The following DEPTOR variants were observed in gnomAD, a reference collection of about 807,000 sequenced individuals.
DEPTOR encodes DEP domain containing MTOR interacting protein, also known as DEP domain-containing mTOR-interacting protein.
DEPTOR carries 41 observed loss-of-function variants against 41.6 expected under a neutral mutation model. The observed-to-expected ratio is 0.98, with a 90% CI of 0.77 to 1.28. The LOEUF (loss-of-function observed/expected upper bound fraction) is 1.28. Ranked by LOEUF, DEPTOR falls within the 50% of genes most tolerant of loss-of-function variation. The pLI is 0.00. For missense variants in DEPTOR, 514 were observed against 527.9 expected (o/e 0.97, Z 0.26); for synonymous variants, 195 against 192.3 (o/e 1.01, Z -0.12).
At chr8:120,007,512 A>C (rs1435232044) in intron 7 of DEPTOR, among the ~76,000 whole-genome samples, 1 of 152,030 alleles carries the variant, frequency 6.6e-6, no homozygotes, top group Non-Finnish European at 1.5e-5. Flanking sequence ...GATTTCTTCA[A>C]ATGGAATGAA....
At chr8:119,885,309 A>G (rs1827350180) in intron 1 of DEPTOR, among the ~76,000 whole-genome samples, 1 of 152,178 alleles carries the variant, frequency 6.6e-6, no homozygotes, top group African/African-American at 2.4e-5. Context: ...AATGCCCCTT[A>G]ATCATCTTAA....
intron 8 of DEPTOR, among the ~76,000 whole-genome samples, chr8:120,022,540 A>G (rs113302581): frequency 1.3e-5 from 2 of 152,102 alleles, no homozygotes; most frequent in Non-Finnish European, 2.9e-5. Context: ...GTCAGTCTTG[A>G]GGCTCCTAAG....
At chr8:120,035,163 CA>C (rs370896635) in intron 8 of DEPTOR, among the ~76,000 whole-genome samples, 139 of 151,768 alleles carry the variant, frequency 9.2e-4, no homozygotes, top group African/African-American at 3.2e-3. Flanking sequence ...ACAAAAAATA[CA>C]AAAAAATTAG....
chr8:119,917,823 C>T (rs899236139), intron 1 of DEPTOR, among the ~76,000 whole-genome samples: 5 of 152,158 alleles, frequency 3.3e-5, no homozygotes, highest in East Asian at 1.9e-4. Context: ...TGGAATGTCT[C>T]GATATAAAAC....
chr8:120,032,723 T>C (rs1812911519), intron 8 of DEPTOR, among the ~76,000 whole-genome samples: 1 of 152,184 alleles, frequency 6.6e-6, no homozygotes, highest in Non-Finnish European at 1.5e-5. Context: ...TACCTCTCAC[T>C]ACATTTAACC....
chr8:120,001,663 T>G lies in DEPTOR; in HGVS notation c.743T>G (p.Leu248Arg). The G allele has an allele frequency of 1.2e-6, 2 of 1,613,918 alleles. No individual in the cohort carries two copies. The highest frequency in any genetic ancestry group is 2.2e-5 in the East Asian group (1 of 44,872). ...GAAACTCATGACAGTCCCTTCTGCCTGAGGAAGCAGAGCCATGACAATCGG... is the reference window on the plus strand; with the variant it reads ...GAAACTCATGACAGTCCCTTCTGCCGGAGGAAGCAGAGCCATGACAATCGG... Reference protein sequence around the residue: ...SQETHDSPFCLRKQSHDNRKS... With the variant: ...SQETHDSPFCRRKQSHDNRKS... Residue 248 changes from leucine to arginine, a missense_variant, in exon 5 of 9, where the codon CTG (leucine) becomes CGG (arginine). Leu to Arg is a moderately radical substitution (Grantham distance 102). Transcript: ENST00000286234.
intron 3 of DEPTOR, among the ~76,000 whole-genome samples, chr8:119,939,906 T>A (rs1410618948): frequency 1.3e-5 from 2 of 151,954 alleles, no homozygotes; most frequent in African/African-American, 2.4e-5. Context: ...GGTATAGAAG[T>A]GTCTTAAAAA....
chr8:119,915,549 C>G (rs778527150), intron 1 of DEPTOR, among the ~76,000 whole-genome samples: 1 of 152,098 alleles, frequency 6.6e-6, no homozygotes, highest in Non-Finnish European at 1.5e-5. Context: ...TCCACAGTGG[C>G]GCTCAACCAA....
At chr8:119,975,387 C>T (rs1828684857) in intron 4 of DEPTOR, among the ~76,000 whole-genome samples, 1 of 151,978 alleles carries the variant, frequency 6.6e-6, no homozygotes, top group African/African-American at 2.4e-5. Context: ...GTAAGGAAAA[C>T]TTTGTTTAAG....
At chr8:119,878,424 A>C (rs146419656) in intron 1 of DEPTOR, among the ~76,000 whole-genome samples, 2,805 of 151,324 alleles carry the variant, frequency 0.019, 88 homozygotes, top group African/African-American at 0.063. Context: ...GGTTCAAGCG[A>C]TTCTCCTGCC....
At chr8:119,921,792 G>T (rs1314855035) in intron 1 of DEPTOR, among the ~76,000 whole-genome samples, 7 of 141,826 alleles carry the variant, frequency 4.9e-5, no homozygotes, top group African/African-American at 1.9e-4. Flanking sequence ...ACAGGGTCTT[G>T]CTCTGTCACC....
intron 5 of DEPTOR, among the ~76,000 whole-genome samples, chr8:120,001,994 C>T (rs919700566): frequency 6.6e-6 from 1 of 152,082 alleles, no homozygotes; most frequent in Admixed American, 6.6e-5. Context: ...TCTTGCCTGG[C>T]ATGGTGGCAC....
intron 1 of DEPTOR, among the ~76,000 whole-genome samples, chr8:119,876,439 A>C (rs1036978636): frequency 2.0e-5 from 3 of 152,118 alleles, no homozygotes; most frequent in African/African-American, 7.2e-5. Flanking sequence ...GGAGTTCAAG[A>C]CCAGCCTGAC....
chr8:119,928,407 C>A lies in DEPTOR; in HGVS notation c.130C>A (p.Leu44Met). 6.2e-7 allele frequency: 1 copy of A among 1,611,564 alleles called. No individual in the cohort carries two copies. ...LVTGEQLRLR[L>M]HEEKVIKDRR... ...TGCTAATTTTTCTTTCAGGCTCAGGCTGCACGAAGAAAAGGTTATTAAAGA... is the reference window on the plus strand; with the variant it reads ...TGCTAATTTTTCTTTCAGGCTCAGGATGCACGAAGAAAAGGTTATTAAAGA... Residue 44 changes from leucine (L) to methionine (M), a missense_variant, in exon 2 of 9, where the codon CTG becomes ATG. Transcript: ENST00000286234.
intron 1 of DEPTOR, among the ~76,000 whole-genome samples, chr8:119,916,824 G>C (rs1047569576): frequency 1.3e-4 from 20 of 152,222 alleles, no homozygotes; most frequent in African/African-American, 4.6e-4. Flanking sequence ...GTAGGAAAAG[G>C]CAAGGACTAG....
chr8:120,018,347 G>A (rs543512066), intron 8 of DEPTOR, among the ~76,000 whole-genome samples: 2 of 152,298 alleles, frequency 1.3e-5, no homozygotes, highest in East Asian at 1.9e-4. Flanking sequence ...GGAGGCCGAG[G>A]CAGGCGGATC....
intron 4 of DEPTOR, among the ~76,000 whole-genome samples, chr8:119,997,471 T>G (rs1309011136): frequency 2.6e-5 from 4 of 152,164 alleles, no homozygotes; most frequent in Admixed American, 6.5e-5. Context: ...CCTGGCCTCA[T>G]GCTATCCTCC....
intron 3 of DEPTOR, among the ~76,000 whole-genome samples, chr8:119,942,663 C>T (rs1399292098): frequency 6.6e-6 from 1 of 152,132 alleles, no homozygotes; most frequent in Non-Finnish European, 1.5e-5. Flanking sequence ...TTTTGCTAAT[C>T]CATCTCTGTA....
At chr8:119,953,826 A>G (rs1441149045) in intron 3 of DEPTOR, among the ~76,000 whole-genome samples, 4 of 141,752 alleles carry the variant, frequency 2.8e-5, no homozygotes, top group Admixed American at 1.4e-4. Flanking sequence ...TTTTCTTAAG[A>G]CAGATTCTCA....
Sources: allele counts gnomAD v4.1 joint callset (sites outside exome capture counted in the v4.1 genomes callset), GRCh38; gene constraint gnomAD v4.1.1; transcripts MANE v1.5; gene names NCBI Gene and HGNC (gene_info 2026-07-23, HGNC 2026-07-21).